The following LINGO2 variants were observed in gnomAD, a reference collection of about 807,000 sequenced individuals.
The protein encoded by LINGO2 is leucine rich repeat and Ig domain containing 2, also known as leucine-rich repeat and immunoglobulin-like domain-containing nogo receptor-interacting protein 2.
In LINGO2, 14 loss-of-function variants were observed where a neutral mutation model predicts 30.6. That is an observed-to-expected ratio of 0.46 (90% CI 0.30 to 0.72). The LOEUF is 0.72. Ranked by LOEUF, LINGO2 falls within the 30% of genes least tolerant of loss-of-function variation. The pLI is 0.07. For synonymous variants in LINGO2, 317 were observed against 288.5 expected (o/e 1.10, Z -1.00); for missense variants, 729 against 751.7 (o/e 0.97, Z 0.35).
At chr9:28,665,944 G>A (rs1828783554) in intron 1 of LINGO2, among the ~76,000 whole-genome samples, 1 of 149,632 alleles carries the variant, frequency 6.7e-6, no homozygotes, top group Non-Finnish European at 1.5e-5. Flanking sequence ...CCAGGCTGGA[G>A]TGCAATGGCG....
At chr9:28,758,313 T>C in the LINGO2 span, among the ~76,000 whole-genome samples, 1 of 152,110 alleles carries the variant, frequency 6.6e-6, no homozygotes, top group East Asian at 1.9e-4. Flanking sequence ...TTAAGCCACA[T>C]TTCATTGCCA....
chr9:28,347,345 A>G (rs945913503), intron 3 of LINGO2, among the ~76,000 whole-genome samples: 2 of 152,152 alleles, frequency 1.3e-5, no homozygotes, highest in African/African-American at 4.8e-5. Flanking sequence ...GGCTCTCAGG[A>G]AAGTCATCTG....
chr9:29,195,678 A>G, the LINGO2 span, among the ~76,000 whole-genome samples: 1 of 152,150 alleles, frequency 6.6e-6, no homozygotes, highest in Non-Finnish European at 1.5e-5. Context: ...AGTATCAAAT[A>G]GAAAAAAATA....
At chr9:28,566,738 G>A (rs753727718) in intron 1 of LINGO2, among the ~76,000 whole-genome samples, 1 of 152,154 alleles carries the variant, frequency 6.6e-6, no homozygotes, top group Non-Finnish European at 1.5e-5. Context: ...GATATGGCAT[G>A]CTTTGCACTG....
intron 4 of LINGO2, among the ~76,000 whole-genome samples, chr9:28,162,998 G>A (rs571623803): frequency 6.6e-6 from 1 of 152,224 alleles, no homozygotes; most frequent in East Asian, 1.9e-4. Flanking sequence ...CTTGCAGGAA[G>A]CTATGTGCTG....
chr9:28,639,315 T>C (rs1055504361), intron 1 of LINGO2, among the ~76,000 whole-genome samples: 1 of 152,058 alleles, frequency 6.6e-6, no homozygotes, highest in African/African-American at 2.4e-5. Context: ...GGGTGGAGAG[T>C]TCTGTAGATG....
chr9:28,932,697 C>T, the LINGO2 span, among the ~76,000 whole-genome samples: 1 of 152,042 alleles, frequency 6.6e-6, no homozygotes. Context: ...AATTTAAGAA[C>T]CTGGACTCAT....
At chr9:29,116,980 G>A in the LINGO2 span, among the ~76,000 whole-genome samples, 1 of 152,138 alleles carries the variant, frequency 6.6e-6, no homozygotes, top group African/African-American at 2.4e-5. Context: ...AAGGACATGT[G>A]CTTTGGAGAC....
At chr9:28,818,739 T>C in the LINGO2 span, among the ~76,000 whole-genome samples, 2 of 152,188 alleles carry the variant, frequency 1.3e-5, no homozygotes, top group African/African-American at 4.8e-5. Context: ...CCTGGGAATC[T>C]GTAATTATCA....
chr9:28,744,633 T>TGTGTGTGTGTGTGTGTGTGC, the LINGO2 span, among the ~76,000 whole-genome samples: 1 of 145,440 alleles, frequency 6.9e-6, no homozygotes, highest in Non-Finnish European at 1.5e-5. Context: ...TGTGTGTGTG[T>TGTGTGTGTGTGTGTGTGTGC]GTGTGTATTT....
chr9:29,164,024 CTT>C, the LINGO2 span, among the ~76,000 whole-genome samples: 6 of 151,734 alleles, frequency 4.0e-5, no homozygotes, highest in Non-Finnish European at 5.9e-5. Flanking sequence ...TACACTTACA[CTT>C]TGTTTTCTTA....
chr9:28,910,289 C>T, the LINGO2 span, among the ~76,000 whole-genome samples: 1 of 151,708 alleles, frequency 6.6e-6, no homozygotes, highest in Non-Finnish European at 1.5e-5. Flanking sequence ...CAATGACTGT[C>T]ACATATAAAT....
the LINGO2 span, among the ~76,000 whole-genome samples, chr9:28,859,867 G>A: frequency 1.3e-5 from 2 of 151,872 alleles, no homozygotes; most frequent in African/African-American, 2.4e-5. Flanking sequence ...AAAAGTGAAA[G>A]AGAAATATGT....
At chr9:28,278,024 G>T (rs1164708405) in intron 4 of LINGO2, among the ~76,000 whole-genome samples, 1 of 152,072 alleles carries the variant, frequency 6.6e-6, no homozygotes, top group Non-Finnish European at 1.5e-5. Context: ...TTGTAAGAAA[G>T]CAAAACAGAC....
At chr9:28,012,054 TTG>T (rs1234619318) in intron 5 of LINGO2, among the ~76,000 whole-genome samples, 1 of 152,142 alleles carries the variant, frequency 6.6e-6, no homozygotes, top group African/African-American at 2.4e-5. Context: ...TCTGCCAGCT[TTG>T]TGTCAGTACA....
chr9:27,996,237 C>CA (rs994138858), intron 5 of LINGO2, among the ~76,000 whole-genome samples: 1 of 151,930 alleles, frequency 6.6e-6, no homozygotes, highest in Non-Finnish European at 1.5e-5. Flanking sequence ...AAAGGTTCTT[C>CA]AAAAAAACTA....
chr9:28,266,833 G>A (rs975550922), intron 4 of LINGO2, among the ~76,000 whole-genome samples: 2 of 151,986 alleles, frequency 1.3e-5, no homozygotes, highest in Non-Finnish European at 2.9e-5. Context: ...CCCTGAGTAA[G>A]CTATGACCAG....
the LINGO2 span, among the ~76,000 whole-genome samples, chr9:28,910,778 C>G: frequency 6.6e-6 from 1 of 151,802 alleles, no homozygotes; most frequent in Non-Finnish European, 1.5e-5. Flanking sequence ...TATAAATTAC[C>G]CAGTCTCAGG....
At chr9:28,699,573 C>T in the LINGO2 span, among the ~76,000 whole-genome samples, 1 of 151,938 alleles carries the variant, frequency 6.6e-6, no homozygotes, top group African/African-American at 2.4e-5. Flanking sequence ...CAATGATTTT[C>T]AGGGAACAAG....
Sources: gnomAD v4.1 joint callset for allele counts (sites outside exome capture counted in the v4.1 genomes callset) on GRCh38, gnomAD v4.1.1 for gene constraint, MANE v1.5 for transcripts, NCBI Gene and HGNC (gene_info 2026-07-23, HGNC 2026-07-21) for gene names.